Variants in LMBRD1 observed in about 807,000 individuals in gnomAD.
The protein encoded by LMBRD1 is LMBR1 domain containing 1.
In LMBRD1, 64 loss-of-function variants were observed where a neutral mutation model predicts 74.8. The observed-to-expected ratio is 0.86, with a 90% CI of 0.70 to 1.05. The LOEUF (loss-of-function observed/expected upper bound fraction) is 1.05. LMBRD1 is among the 50% of genes least tolerant of loss of function. The pLI, the probability that LMBRD1 is intolerant of heterozygous loss-of-function variation, is 0.00. For missense variants in LMBRD1, 652 were observed against 645.9 expected (o/e 1.01, Z -0.10); for synonymous variants, 204 against 216.3 (o/e 0.94, Z 0.50).
chr6:69,768,609 A>T (rs1478435486), intron 3 of LMBRD1, among the ~76,000 whole-genome samples: 1 of 152,052 alleles, frequency 6.6e-6, no homozygotes, highest in Non-Finnish European at 1.5e-5. Flanking sequence ...TCTTTTACAA[A>T]GATAAGAAAA....
At chr6:69,705,941 C>T (rs964722195) in intron 9 of LMBRD1, 10 of 1,180,598 alleles carry the variant, frequency 8.5e-6, no homozygotes, top group African/African-American at 1.5e-5. Flanking sequence ...GCCAGTGTTA[C>T]TTTAATTGGA....
chr6:69,722,810 T>C (rs1157455858), intron 7 of LMBRD1, among the ~76,000 whole-genome samples: 2 of 151,834 alleles, frequency 1.3e-5, no homozygotes, highest in South Asian at 2.1e-4. Context: ...AGAATATAAA[T>C]AACAAAATGG....
chr6:69,674,657 G>T lies in LMBRD1; in HGVS notation c.*1501C>A, dbSNP rs902644746. 1.3e-5 allele frequency among the ~76,000 whole-genome samples: 2 copies of T among 152,160 alleles called. No homozygotes were observed. The highest frequency in any genetic ancestry group is 2.9e-5 in the Non-Finnish European group (2 of 68,016). ...CAAGTAGTATAGATAGAAGCCAAGGGTATGTGAGATTGTCCACAAAGAAAA... is the reference window on the plus strand; with the variant it reads ...CAAGTAGTATAGATAGAAGCCAAGGTTATGTGAGATTGTCCACAAAGAAAA... On this transcript the variant is annotated 3_prime_UTR_variant, in exon 16 of 16. Coordinates refer to ENST00000649934, the MANE Select transcript of LMBRD1 (RefSeq NM_018368.4).
At position 69,699,103 on chromosome 6, in the gene LMBRD1, G is replaced by A; in HGVS notation, c.1278C>T (p.Tyr426=). ...ATTGGGGAGCAAGACTATAAATCAT[G>A]TAGCTAGTGTGAAGGACAATAAGCA... is the stretch of plus-strand genomic sequence containing the variant. ...ILLLIVLHTS[Y]MIYSLAPQYV... is the part of the protein sequence containing the mutation. Residue 426 remains tyrosine (Y), a synonymous_variant, in exon 13 of 16, where the codon TAC becomes TAT. Transcript: ENST00000649934. 1 of 1,609,468 alleles carries A rather than the reference G, an allele frequency of 6.2e-7. No individual in the cohort carries two copies. The highest frequency in any genetic ancestry group is 8.5e-7 in the Non-Finnish European group (1 of 1,176,194).
At chr6:69,777,984 C>T (rs762887423) in intron 3 of LMBRD1, among the ~76,000 whole-genome samples, 22 of 152,292 alleles carry the variant, frequency 1.4e-4, no homozygotes, top group Admixed American at 3.9e-4. Context: ...TAACTACCTT[C>T]GAAGCTACGG....
At chr6:69,715,778 C>G (rs1337375720) in intron 8 of LMBRD1, among the ~76,000 whole-genome samples, 1 of 152,118 alleles carries the variant, frequency 6.6e-6, no homozygotes, top group Non-Finnish European at 1.5e-5. Flanking sequence ...TCCTTCCACC[C>G]TCTGCCCTCC....
chr6:69,705,334 C>A, intron 9 of LMBRD1: 1 of 766,490 alleles, frequency 1.3e-6, no homozygotes, highest in South Asian at 1.3e-5. Context: ...GCCTCCTGGT[C>A]AGTCATCCGG....
At chr6:69,796,493 C>T (rs1269279418) in intron 1 of LMBRD1, among the ~76,000 whole-genome samples, 1 of 152,242 alleles carries the variant, frequency 6.6e-6, no homozygotes, top group Admixed American at 6.5e-5. Context: ...CCACATACTT[C>T]TCAACCCCGA....
At chr6:69,763,681 C>T (rs1295082095) in intron 3 of LMBRD1, among the ~76,000 whole-genome samples, 1 of 152,148 alleles carries the variant, frequency 6.6e-6, no homozygotes, top group African/African-American at 2.4e-5. Context: ...CAACTCCTAC[C>T]CATCAGAGCC....
chr6:69,733,305 TCAAGGTGCCA>T (rs1766902451), intron 7 of LMBRD1, among the ~76,000 whole-genome samples: 1 of 152,154 alleles, frequency 6.6e-6, no homozygotes, highest in South Asian at 2.1e-4. Context: ...ATACCCTCTT[TCAAGGTGCCA>T]CAAGGAAAGT....
intron 7 of LMBRD1, among the ~76,000 whole-genome samples, chr6:69,719,873 C>A (rs914973566): frequency 6.6e-6 from 1 of 152,132 alleles, no homozygotes; most frequent in African/African-American, 2.4e-5. Context: ...ACACTTTACC[C>A]CGTGCCCCCT....
At chr6:69,702,269 A>G (rs917109707) in intron 9 of LMBRD1, among the ~76,000 whole-genome samples, 4 of 143,536 alleles carry the variant, frequency 2.8e-5, no homozygotes, top group African/African-American at 1.0e-4. Context: ...TGAAAAGTAC[A>G]TTATGACTAA....
rs1195061856 is a variant in LMBRD1, at chr6:69,674,999, A to T, written c.*1159T>A. ...AAAAAAAAAGAAAAAAGAAAATGTA[A>T]AATAAGAACAGAAGGGAATGAAATC... On this transcript the variant is annotated 3_prime_UTR_variant, in exon 16 of 16. Coordinates refer to ENST00000649934, the MANE Select transcript of LMBRD1 (RefSeq NM_018368.4). Among the ~76,000 whole-genome samples the T allele has an allele frequency of 6.6e-6, 1 of 152,150 alleles. No individual in the cohort carries two copies. Among genetic ancestry groups the T allele is most frequent in the Admixed American group, 6.6e-5 (1 of 15,262 alleles).
At chr6:69,693,726 C>A (rs942178079) in intron 14 of LMBRD1, among the ~76,000 whole-genome samples, 15 of 151,834 alleles carry the variant, frequency 9.9e-5, no homozygotes. Flanking sequence ...CTCACCATCC[C>A]TCATCCTAAG....
intron 14 of LMBRD1, among the ~76,000 whole-genome samples, chr6:69,696,986 A>G (rs1314111618): frequency 1.3e-5 from 2 of 151,890 alleles, no homozygotes; most frequent in Non-Finnish European, 2.9e-5. Flanking sequence ...GAATACTATA[A>G]CATTCAAAGA....
chr6:69,717,696 T>C (rs1389276636), intron 8 of LMBRD1, among the ~76,000 whole-genome samples: 2 of 152,136 alleles, frequency 1.3e-5, no homozygotes, highest in Non-Finnish European at 2.9e-5. Context: ...CTACTTTTTG[T>C]TTGTTTGTTT....
intron 8 of LMBRD1, among the ~76,000 whole-genome samples, chr6:69,715,800 G>A (rs914173892): frequency 1.3e-5 from 2 of 152,028 alleles, no homozygotes; most frequent in African/African-American, 4.8e-5. Context: ...GTGGGCCCTA[G>A]TATGCACTGT....
chr6:69,794,528 G>A (rs1766169275), intron 1 of LMBRD1, among the ~76,000 whole-genome samples: 1 of 152,144 alleles, frequency 6.6e-6, no homozygotes, highest in South Asian at 2.1e-4. Flanking sequence ...TTGTCAAACT[G>A]GTTATTCAGA....
intron 3 of LMBRD1, among the ~76,000 whole-genome samples, chr6:69,774,998 G>GAA: frequency 2.1e-5 from 1 of 46,788 alleles, no homozygotes; most frequent in Non-Finnish European, 5.5e-5. Context: ...AGGGAGGGAG[G>GAA]GAGGGAGGGA....
Sources: gnomAD v4.1 joint callset for allele counts (sites outside exome capture counted in the v4.1 genomes callset) on GRCh38, gnomAD v4.1.1 for gene constraint, MANE v1.5 for transcripts, NCBI Gene and HGNC (gene_info 2026-07-23, HGNC 2026-07-21) for gene names.